Variants in ENTHD1 observed in about 807,000 individuals in gnomAD.
ENTHD1 encodes ENTH domain-containing protein 1.
Under a neutral mutation model 39.1 loss-of-function variants are expected in ENTHD1, and 23 were observed. That is an observed-to-expected ratio of 0.59 (90% CI 0.42 to 0.83). ENTHD1 has a LOEUF of 0.83. ENTHD1 is among the 40% of genes least tolerant of loss of function. ENTHD1 has a pLI of 0.00. For synonymous variants in ENTHD1, 230 were observed against 258.2 expected (o/e 0.89, Z 1.05); for missense variants, 624 against 705.4 (o/e 0.88, Z 1.31).
At chr22:39,788,231 G>A (rs1215394116) in intron 5 of ENTHD1, among the ~76,000 whole-genome samples, 1 of 152,104 alleles carries the variant, frequency 6.6e-6, no homozygotes, top group Non-Finnish European at 1.5e-5. Flanking sequence ...CTTCTGAAAA[G>A]GATTCACCAT....
intron 3 of ENTHD1, among the ~76,000 whole-genome samples, chr22:39,849,618 C>T (rs2066019301): frequency 1.3e-5 from 2 of 152,198 alleles, no homozygotes; most frequent in African/African-American, 4.8e-5. Flanking sequence ...AGATTTTGTA[C>T]TTCTTTTGTA....
At chr22:39,773,755 T>G (rs920198737) in intron 5 of ENTHD1, among the ~76,000 whole-genome samples, 1 of 152,144 alleles carries the variant, frequency 6.6e-6, no homozygotes, top group African/African-American at 2.4e-5. Context: ...ATGAAATAAT[T>G]CAGATTGTAA....
At chr22:39,883,003 C>CAAAAAAAAAAAAAAAAAAAAAAA (rs58964198) in intron 2 of ENTHD1, among the ~76,000 whole-genome samples, 1 of 48,288 alleles carries the variant, frequency 2.1e-5, no homozygotes, top group Non-Finnish European at 4.4e-5. Context: ...GACTTCATCT[C>CAAAAAAAAAAAAAAAAAAAAAAA]AAAAAAAAAA....
At chr22:39,769,168 C>T (rs948828241) in intron 5 of ENTHD1, among the ~76,000 whole-genome samples, 14 of 151,954 alleles carry the variant, frequency 9.2e-5, no homozygotes, top group Admixed American at 5.2e-4. Flanking sequence ...GTTACCAGTT[C>T]GATTTCACAG....
At chr22:39,890,020 C>T (rs2066413566) in intron 1 of ENTHD1, among the ~76,000 whole-genome samples, 1 of 151,714 alleles carries the variant, frequency 6.6e-6, no homozygotes, top group African/African-American at 2.4e-5. Context: ...ATCACTGGAA[C>T]CTGGGAGGCA....
intron 4 of ENTHD1, among the ~76,000 whole-genome samples, chr22:39,824,439 G>A (rs538344821): frequency 3.3e-5 from 5 of 151,916 alleles, no homozygotes; most frequent in Admixed American, 6.6e-5. Context: ...TCAAACTCCT[G>A]ACCTAGTGAT....
At chr22:39,778,523 C>A (rs1222778779) in intron 5 of ENTHD1, among the ~76,000 whole-genome samples, 1 of 152,136 alleles carries the variant, frequency 6.6e-6, no homozygotes, top group African/African-American at 2.4e-5. Flanking sequence ...TCATTTCGAT[C>A]ATAAATTCAG....
At chr22:39,842,481 T>G (rs2065952101) in intron 3 of ENTHD1, among the ~76,000 whole-genome samples, 1 of 152,246 alleles carries the variant, frequency 6.6e-6, no homozygotes, top group Admixed American at 6.5e-5. Flanking sequence ...CTTCATTTCA[T>G]TCATTTCATC....
At chr22:39,778,788 T>C (rs2065385309) in intron 5 of ENTHD1, among the ~76,000 whole-genome samples, 1 of 152,218 alleles carries the variant, frequency 6.6e-6, no homozygotes, top group Admixed American at 6.5e-5. Flanking sequence ...TATCTACTAA[T>C]GTTTCTCTTG....
chr22:39,820,064 C>A (rs1321119018), intron 5 of ENTHD1, among the ~76,000 whole-genome samples: 1 of 152,156 alleles, frequency 6.6e-6, no homozygotes, highest in South Asian at 2.1e-4. Context: ...ATCACTATAA[C>A]CCCCAATTTC....
intron 5 of ENTHD1, among the ~76,000 whole-genome samples, chr22:39,818,260 AC>A (rs1335461712): frequency 6.6e-6 from 1 of 152,208 alleles, no homozygotes; most frequent in African/African-American, 2.4e-5. Context: ...ACTGCTAGAC[AC>A]GTGAGTCAGC....
At position 39,765,316 on chromosome 22, in the gene ENTHD1, G is replaced by C; in HGVS notation, c.1126C>G (p.Arg376Gly). 2 of 1,613,408 alleles carry C rather than the reference G, an allele frequency of 1.2e-6. No homozygotes were observed. Among genetic ancestry groups the C allele is most frequent in the Non-Finnish European group, 1.7e-6 (2 of 1,179,810 alleles). The stretch of plus-strand genomic sequence containing the variant: ...TTGTTGATTACAATCTCCTTCACTC[G>C]GTCAAATATTTTGAATGAGGGAGAG... ...CLSPSFKIFD[R>G]VKEIVINKAY... The change falls in exon 6 of 7, where the codon CGA becomes GGA. Residue 376 changes from arginine to glycine, a missense_variant. Coordinates refer to ENST00000325157, the MANE Select transcript of ENTHD1 (RefSeq NM_152512.4).
intron 3 of ENTHD1, among the ~76,000 whole-genome samples, chr22:39,845,357 G>C (rs2065978369): frequency 6.6e-6 from 1 of 152,178 alleles, no homozygotes; most frequent in Non-Finnish European, 1.5e-5. Context: ...TATGGCTCCA[G>C]GACCTGAGCC....
intron 5 of ENTHD1, among the ~76,000 whole-genome samples, chr22:39,812,781 C>CT (rs965805368): frequency 1.1e-4 from 16 of 151,536 alleles, no homozygotes; most frequent in East Asian, 5.8e-4. Context: ...ATCCCTTTGT[C>CT]TTTTTTTTTG....
At chr22:39,847,637 C>T in intron 3 of ENTHD1, among the ~76,000 whole-genome samples, 1 of 151,882 alleles carries the variant, frequency 6.6e-6, no homozygotes, top group East Asian at 1.9e-4. Context: ...AGAAATCCTT[C>T]CGCCTTGATC....
intron 5 of ENTHD1, among the ~76,000 whole-genome samples, chr22:39,813,113 T>C (rs11703861): frequency 0.13 from 19,653 of 152,156 alleles, 1,601 homozygotes; most frequent in African/African-American, 0.21. Flanking sequence ...GAGAGACACA[T>C]TGTGGGTGCA....
At chr22:39,776,932 T>C (rs1470907288) in intron 5 of ENTHD1, among the ~76,000 whole-genome samples, 1 of 152,238 alleles carries the variant, frequency 6.6e-6, no homozygotes, top group Non-Finnish European at 1.5e-5. Context: ...TATTTTGTAT[T>C]CATTATTGTG....
intron 2 of ENTHD1, among the ~76,000 whole-genome samples, chr22:39,865,313 A>G (rs2066174066): frequency 2.0e-5 from 3 of 152,104 alleles, no homozygotes; most frequent in African/African-American, 7.2e-5. Context: ...CATAGGGAAT[A>G]AATCACCCAG....
intron 4 of ENTHD1, among the ~76,000 whole-genome samples, chr22:39,825,012 G>T (rs1252317213): frequency 6.6e-6 from 1 of 152,140 alleles, no homozygotes; most frequent in Admixed American, 6.5e-5. Context: ...AGGGTCATCT[G>T]TACTATGACC....
Sources: gnomAD v4.1 joint callset for allele counts (sites outside exome capture counted in the v4.1 genomes callset) on GRCh38, gnomAD v4.1.1 for gene constraint, MANE v1.5 for transcripts, NCBI Gene and HGNC (gene_info 2026-07-23, HGNC 2026-07-21) for gene names.